Variants in CACNA1A observed in about 807,000 individuals in gnomAD.
The protein encoded by CACNA1A is calcium voltage-gated channel subunit alpha1 A.
A neutral mutation model predicts 262.4 loss-of-function variants in CACNA1A; 57 were observed. The ratio of observed to expected loss-of-function variants is 0.22; its 90% CI spans 0.18 to 0.27. CACNA1A has a LOEUF of 0.27. Ranked by LOEUF, CACNA1A falls within the 10% of genes least tolerant of loss-of-function variation. The pLI is 1.00. For synonymous variants in CACNA1A, 1,431 were observed against 1,419.3 expected, an observed-to-expected ratio of 1.01 and a Z score of -0.18; for missense variants, 2,526 against 3,562.8, an observed-to-expected ratio of 0.71 and a Z score of 7.41.
chr19:13,222,559 C>T (rs571907878), intron 38 of CACNA1A, among the ~76,000 whole-genome samples: 5 of 151,856 alleles, frequency 3.3e-5, no homozygotes, highest in Non-Finnish European at 7.4e-5. Context: ...CCACACCCAG[C>T]TAATTTTTTG....
At chr19:13,227,398 C>T in intron 37 of CACNA1A, 33 bp downstream of exon 37, 2 of 1,136,462 alleles carry the variant, frequency 1.8e-6, no homozygotes, top group Non-Finnish European at 2.6e-6. Context: ...AAACCCAGTG[C>T]CTGGACGTCG....
chr19:13,391,758 C>T (rs879810847), intron 3 of CACNA1A, among the ~76,000 whole-genome samples: 9 of 151,720 alleles, frequency 5.9e-5, no homozygotes, highest in East Asian at 1.9e-4. Context: ...TAGCCATGGC[C>T]GGGCGTGCTG....
intron 6 of CACNA1A, among the ~76,000 whole-genome samples, chr19:13,346,643 TATATATATATATATATATA>T (rs1568557310): frequency 1.9e-4 from 3 of 15,812 alleles, no homozygotes; most frequent in Non-Finnish European, 2.0e-4. Flanking sequence ...TATATATATA[TATATATATATATATATATA>T]TATATTTTTT....
intron 26 of CACNA1A, chr19:13,259,942 G>T: frequency 2.1e-6 from 1 of 484,252 alleles, no homozygotes; most frequent in Non-Finnish European, 3.8e-6. Flanking sequence ...TGGGAGAGCT[G>T]ACCCAGGGTC....
intron 1 of CACNA1A, among the ~76,000 whole-genome samples, chr19:13,468,759 C>T (rs181043506): frequency 1.3e-5 from 2 of 152,098 alleles, no homozygotes; most frequent in Non-Finnish European, 2.9e-5. Flanking sequence ...TGCACTCCAA[C>T]CTGGGTGACA....
intron 1 of CACNA1A, among the ~76,000 whole-genome samples, chr19:13,466,583 T>C (rs1048615538): frequency 2.0e-5 from 3 of 152,066 alleles, no homozygotes; most frequent in Non-Finnish European, 2.9e-5. Flanking sequence ...TCAAGTGATC[T>C]GCCCACCTCA....
At chr19:13,237,635 T>C (rs2055918239) in intron 31 of CACNA1A, among the ~76,000 whole-genome samples, 1 of 152,106 alleles carries the variant, frequency 6.6e-6, no homozygotes, top group African/African-American at 2.4e-5. Flanking sequence ...CTTAGGCCTC[T>C]AGGATGGGGA....
At chr19:13,441,759 C>T (rs1296313260) in intron 3 of CACNA1A, among the ~76,000 whole-genome samples, 13 of 152,076 alleles carry the variant, frequency 8.5e-5, no homozygotes, top group Admixed American at 8.5e-4. Context: ...AGGCAGCCAC[C>T]TCCCTGCCCT....
In CACNA1A at chr19:13,482,152, C is replaced by G. The variant is rs116367889; in HGVS notation, c.293+23780G>C. ...CTGGCATGTAGAGGGAACTAAGAAC[C>G]AATAACCATCACCACCACTGCTACC... On this transcript the variant is annotated intron_variant, in intron 1 of 46. Transcript: ENST00000360228. Among the ~76,000 whole-genome samples, 759 of 152,190 alleles carry G rather than the reference C, an allele frequency of 5.0e-3. 6 individuals are homozygous for G. Among genetic ancestry groups the G allele is most frequent in the African/African-American group, 0.018 (727 of 41,502 alleles).
At chr19:13,243,460 A>G (rs1293000042) in intron 31 of CACNA1A, among the ~76,000 whole-genome samples, 5 of 152,182 alleles carry the variant, frequency 3.3e-5, no homozygotes, top group Non-Finnish European at 7.3e-5. Context: ...GGGACACCCC[A>G]GGAGCTGTCA....
Position 13,276,940 on chromosome 19 carries a change from G to A in CACNA1A, c.3882+129C>T, listed in dbSNP as rs1333892120. On this transcript the variant is annotated intron_variant, in intron 23 of 46. Transcript: ENST00000360228. ...TTGGCCAGGCTGGCCTCAACCTCCT[G>A]ATCTCAAGTGATCTGCCTGCCTCAG... is the stretch of plus-strand genomic sequence containing the variant. The A allele has an allele frequency of 3.1e-5, 19 of 620,674 alleles. 1 individual carries two copies. The Admixed American group carries it at 3.3e-4, about 11-fold the overall frequency. 38.4% of individuals were successfully genotyped at this position (620,674 alleles called of 1,614,324 possible).
chr19:13,402,189 T>C (rs1338077673), intron 3 of CACNA1A, among the ~76,000 whole-genome samples: 3 of 152,134 alleles, frequency 2.0e-5, no homozygotes, highest in Admixed American at 1.3e-4. Context: ...TTCCTATGAG[T>C]TGGCAAATAA....
At position 13,334,575 on chromosome 19, in the gene CACNA1A, G is replaced by T. The variant is rs1172506616; in HGVS notation, c.1083-82C>A. ...TGTGTGTGTGTTTGTGTGTGTGTGT[G>T]TGTGTGTGTGTGTGTGTTTGTGTGT... On this transcript the variant is annotated intron_variant, in intron 7 of 46. Coordinates refer to ENST00000360228, the MANE Select transcript of CACNA1A (RefSeq NM_001127222.2). The T allele has an allele frequency of 6.0e-6, 4 of 665,818 alleles. No homozygotes were observed. The South Asian group carries it at 6.8e-5, about 11-fold the overall frequency. 41.2% of individuals were successfully genotyped at this position (665,818 alleles called of 1,614,324 possible).
chr19:13,228,932 C>T, intron 36 of CACNA1A: 1 of 488,298 alleles, frequency 2.0e-6, no homozygotes, highest in Admixed American at 3.9e-5. Context: ...AAGTGAAGGT[C>T]CCCAGTACAT....
chr19:13,218,731 A>G (rs1460933352), intron 38 of CACNA1A, among the ~76,000 whole-genome samples: 8 of 152,038 alleles, frequency 5.3e-5, no homozygotes. Flanking sequence ...GGTGTATGCC[A>G]CCACACCTGG....
chr19:13,470,200 C>G (rs1022605158), intron 1 of CACNA1A, among the ~76,000 whole-genome samples: 2 of 152,144 alleles, frequency 1.3e-5, no homozygotes, highest in African/African-American at 4.8e-5. Context: ...TTTCCTTCAG[C>G]CACCAACCAA....
rs16015 is a variant in CACNA1A, at chr19:13,307,893, C to T, written c.1914-39G>A. On this transcript the variant is annotated intron_variant, in intron 14 of 46. Coordinates refer to ENST00000360228, the MANE Select transcript of CACNA1A (RefSeq NM_001127222.2). ...ACAGACATTTCACGTTGGCCCCACC[C>T]GGGGTGCTCTGAGGGTGTGGCTCAG... 0.15 allele frequency: 237,441 copies of T among 1,581,270 alleles called. 19,133 individuals are homozygous for T. Among genetic ancestry groups the T allele is most frequent in the Middle Eastern group, 0.18 (1,086 of 5,992 alleles).
chr19:13,277,212 G>C, intron 22 of CACNA1A, 84 bp from the exon 23 acceptor site: 1 of 937,224 alleles, frequency 1.1e-6, no homozygotes, highest in Non-Finnish European at 1.7e-6. Flanking sequence ...GCCTACTGGG[G>C]AGCAGAGTTT....
At chr19:13,271,214 GTTTTTTTTTTTT>G (rs148308280) in intron 24 of CACNA1A, 2 of 80,438 alleles carry the variant, frequency 2.5e-5, no homozygotes, top group African/African-American at 1.1e-4. Context: ...TCATTCTGCT[GTTTTTTTTTTTT>G]TTTTTTTTTT....
Sources: allele counts gnomAD v4.1 joint callset (sites outside exome capture counted in the v4.1 genomes callset), GRCh38; gene constraint gnomAD v4.1.1; transcripts MANE v1.5; gene names NCBI Gene and HGNC (gene_info 2026-07-23, HGNC 2026-07-21).